Variants in GALNT6 observed in about 807,000 individuals in gnomAD.
GALNT6 encodes polypeptide N-acetylgalactosaminyltransferase 6.
In GALNT6, 51 loss-of-function variants were observed where a neutral mutation model predicts 65.9. The observed-to-expected ratio is 0.77, with a 90% CI of 0.62 to 0.98. GALNT6 has a LOEUF of 0.98. Ranked by LOEUF, GALNT6 falls within the 50% of genes least tolerant of loss-of-function variation. The probability of loss-of-function intolerance (pLI) is 0.00; values close to 1 mark genes in which losing one functional copy is unlikely to be tolerated. For missense variants in GALNT6, 708 were observed against 803.3 expected (o/e 0.88, Z 1.43); for synonymous variants, 323 against 315.1 (o/e 1.02, Z -0.26).
In GALNT6 at chr12:51,358,211, G is replaced by A. The variant is rs779146238; in HGVS notation, c.1419C>T (p.His473=). 6.2e-7 allele frequency: 1 copy of A among 1,613,688 alleles called. No individual in the cohort carries two copies. The highest frequency in any genetic ancestry group is 1.3e-5 in the African/African-American group (1 of 74,994). Residue 473 remains histidine (H), a synonymous_variant, in exon 9 of 12, where the codon CAC becomes CAT. Coordinates refer to ENST00000356317, the MANE Select transcript of GALNT6 (RefSeq NM_007210.4). ...SERLQLREQL[H]CHNFSWYLHN... is the part of the protein sequence containing the mutation. ...GCAGGTACCAGGAAAAGTTGTGACAGTGCAGTTGTTCCCTCAGCTGCAGTC... is the reference window on the plus strand; with the variant it reads ...GCAGGTACCAGGAAAAGTTGTGACAATGCAGTTGTTCCCTCAGCTGCAGTC...
intron 2 of GALNT6, among the ~76,000 whole-genome samples, chr12:51,385,020 A>C (rs917313058): frequency 3.9e-5 from 6 of 152,102 alleles, no homozygotes; most frequent in African/African-American, 1.2e-4. Flanking sequence ...ACAGGGTCTC[A>C]TTCTGTTCCT....
At chr12:51,381,764 T>C (rs1164418629) in intron 2 of GALNT6, among the ~76,000 whole-genome samples, 1 of 152,220 alleles carries the variant, frequency 6.6e-6, no homozygotes, top group Admixed American at 6.5e-5. Context: ...AGGTAAAATG[T>C]TTGGCAGAGC....
At chr12:51,378,498 T>C (rs72644882) in intron 3 of GALNT6, among the ~76,000 whole-genome samples, 8,388 of 152,210 alleles carry the variant, frequency 0.055, 401 homozygotes, top group East Asian at 0.18. Context: ...TAGCTTCAAG[T>C]GGCCCCTTGT....
rs371358584 is a variant in GALNT6, at chr12:51,355,911, C to A, written c.1650G>T (p.Lys550Asn). Residue 550 changes from lysine to asparagine, a missense_variant, in exon 11 of 12, where the codon AAG becomes AAT. By Grantham distance (94) the Lys-to-Asn change is moderately conservative (BLOSUM62 0). Coordinates refer to ENST00000356317, the MANE Select transcript of GALNT6 (RefSeq NM_007210.4). ...TQRDLRHNIA[K>N]QLCLHVSKGA... ...CCTTGCTGACATGTAGACACAGCTG[C>A]TTTGCGATGTTGTGGCGAAGGTCCC... is the stretch of plus-strand genomic sequence containing the variant. The A allele has an allele frequency of 6.2e-7, 1 of 1,613,692 alleles. No individual in the cohort carries two copies. The highest frequency in any genetic ancestry group is 1.3e-5 in the African/African-American group (1 of 74,904).
intron 2 of GALNT6, among the ~76,000 whole-genome samples, chr12:51,384,691 CA>C (rs747557675): frequency 3.8e-3 from 339 of 89,344 alleles, no homozygotes; most frequent in African/African-American, 0.013. Flanking sequence ...GACTCTGTCT[CA>C]AAAAAAAAAA....
At chr12:51,385,805 A>T (rs1178592276) in intron 2 of GALNT6, among the ~76,000 whole-genome samples, 1 of 152,084 alleles carries the variant, frequency 6.6e-6, no homozygotes, top group Admixed American at 6.5e-5. Flanking sequence ...AGTCTAGCAC[A>T]AGTTTTACAT....
intron 2 of GALNT6, among the ~76,000 whole-genome samples, chr12:51,384,551 G>T (rs927330121): frequency 6.6e-6 from 1 of 151,986 alleles, no homozygotes; most frequent in East Asian, 1.9e-4. Flanking sequence ...AATTAGCCAG[G>T]CATGGTGGCA....
At chr12:51,381,330 C>T (rs972017486) in intron 2 of GALNT6, among the ~76,000 whole-genome samples, 3 of 152,136 alleles carry the variant, frequency 2.0e-5, no homozygotes, top group Admixed American at 6.5e-5. Context: ...AAGACATTCC[C>T]GGCAGGGCTG....
In GALNT6 at chr12:51,379,480, G is replaced by A. The variant is rs267603505; in HGVS notation, c.302C>T (p.Pro101Leu). Residue 101 changes from proline to leucine, a missense_variant, in exon 3 of 12, where the codon CCC (proline) becomes CTC (leucine). Physicochemically the swap from Pro to Leu is moderately conservative, Grantham distance 98. Transcript: ENST00000356317. ...GTCCTGTGGTGGCCGTTCCCAGAAG[G>A]GCTTCAGTTCAGCTGGGGTATAGAA... Reference protein sequence around the residue: ...PGFYTPAELKPFWERPPQDPN... With the variant: ...PGFYTPAELKLFWERPPQDPN... 6.2e-7 allele frequency: 1 copy of A among 1,614,132 alleles called. No individual in the cohort carries two copies. Among genetic ancestry groups the A allele is most frequent in the Admixed American group, 1.7e-5 (1 of 60,024 alleles).
intron 6 of GALNT6, among the ~76,000 whole-genome samples, chr12:51,363,379 G>T (rs1358585287): frequency 1.3e-5 from 2 of 152,202 alleles, no homozygotes; most frequent in African/African-American, 4.8e-5. Context: ...CTACCCTGCA[G>T]CTCAGGGGCT....
chr12:51,379,741 G>A lies in GALNT6; in HGVS notation c.41C>T (p.Ala14Val). 1 of 1,612,348 alleles carries A rather than the reference G, an allele frequency of 6.2e-7. No individual in the cohort carries two copies. Among genetic ancestry groups the A allele is most frequent in the South Asian group, 1.1e-5 (1 of 91,070 alleles). The change falls in exon 3 of 12, where the codon GCC becomes GTC. Residue 14 changes from alanine (A) to valine (V), a missense_variant. Transcript: ENST00000356317. ...GAGCACAAAGGCGCAGCCCACCATGGCCAGGCGCAGGGGCATGTGGCGTCT... is the reference window on the plus strand; with the variant it reads ...GAGCACAAAGGCGCAGCCCACCATGACCAGGCGCAGGGGCATGTGGCGTCT... ...LRRRHMPLRLAMVGCAFVLFL... is the reference protein window; with the variant it reads ...LRRRHMPLRLVMVGCAFVLFL...
intron 4 of GALNT6, among the ~76,000 whole-genome samples, chr12:51,374,728 G>T (rs533929567): frequency 6.6e-6 from 1 of 152,128 alleles, no homozygotes; most frequent in Non-Finnish European, 1.5e-5. Flanking sequence ...GCCTAAAGGT[G>T]TCTCAGTCCC....
Position 51,360,798 on chromosome 12 carries a change from A to T in GALNT6, c.1090T>A (p.Ser364Thr). 1.9e-6 allele frequency: 3 copies of T among 1,613,636 alleles called. No homozygotes were observed. Among genetic ancestry groups the T allele is most frequent in the Non-Finnish European group, 2.5e-6 (3 of 1,179,602 alleles). The change falls in exon 7 of 12, where the codon TCC (serine) becomes ACC (threonine). Residue 364 changes from serine to threonine, a missense_variant. Physicochemically the swap from Ser to Thr is moderately conservative, Grantham distance 58. Transcript: ENST00000356317. ...FAGGLFSISKSYFEHIGTYDN... is the reference protein window; with the variant it reads ...FAGGLFSISKTYFEHIGTYDN... ...TAGGTACCGATGTGCTCAAAGTAGGACTTGGAGATGGAGAAGAGGCCACCA... is the reference window on the plus strand; with the variant it reads ...TAGGTACCGATGTGCTCAAAGTAGGTCTTGGAGATGGAGAAGAGGCCACCA...
In GALNT6 at chr12:51,379,670, T is replaced by C; in HGVS notation, c.112A>G (p.Thr38Ala). ...HRDVSSREEA[T>A]EKPWLKSLVS... ...AGGGACTTCAGCCACGGCTTCTCTG[T>C]GGCCTCCTCTCTGCTGCTCACATCC... Residue 38 changes from threonine (T) to alanine (A), a missense_variant, in exon 3 of 12, where the codon ACA (threonine) becomes GCA (alanine). Physicochemically the swap from Thr to Ala is moderately conservative, Grantham distance 58. Coordinates refer to ENST00000356317, the MANE Select transcript of GALNT6 (RefSeq NM_007210.4). The C allele has an allele frequency of 6.2e-7, 1 of 1,614,178 alleles. No homozygotes were observed. The highest frequency in any genetic ancestry group is 8.5e-7 in the Non-Finnish European group (1 of 1,180,012).
intron 4 of GALNT6, among the ~76,000 whole-genome samples, chr12:51,366,214 G>A (rs902832588): frequency 3.3e-5 from 5 of 152,154 alleles, no homozygotes; most frequent in African/African-American, 7.2e-5. Context: ...CACCACGCCC[G>A]GCCCAAGTAC....
intron 2 of GALNT6, among the ~76,000 whole-genome samples, chr12:51,389,479 C>T (rs1947951777): frequency 1.3e-5 from 2 of 152,224 alleles, no homozygotes; most frequent in Admixed American, 6.5e-5. Context: ...AAAGCCCACT[C>T]TCTTAACTAT....
At chr12:51,357,181 G>A (rs1946773166) in intron 10 of GALNT6, among the ~76,000 whole-genome samples, 168 bp downstream of exon 10, 1 of 152,058 alleles carries the variant, frequency 6.6e-6, no homozygotes, top group African/African-American at 2.4e-5. Flanking sequence ...CTCTCCGGAT[G>A]TCCCTTATTC....
chr12:51,358,018 G>T (rs1397917873), intron 9 of GALNT6, 112 bp downstream of exon 9: 12 of 1,060,340 alleles, frequency 1.1e-5, no homozygotes, highest in Non-Finnish European at 1.7e-5. Context: ...ATAAAGGAGG[G>T]TGCAGGGCAA....
chr12:51,365,512 C>T lies in GALNT6; in HGVS notation c.732G>A (p.Glu244=). Residue 244 remains glutamate (E), a synonymous_variant, in exon 5 of 12, where the codon GAG becomes GAA. Transcript: ENST00000356317. ...GGGCGGTGATCAGCCCCTTCCGCTCCTCCTGCCGCACCACCCTCACCACCT... is the reference window on the plus strand; with the variant it reads ...GGGCGGTGATCAGCCCCTTCCGCTCTTCCTGCCGCACCACCCTCACCACCT... ...QLQVVRVVRQ[E]ERKGLITARL... is the part of the protein sequence containing the mutation. The T allele has an allele frequency of 6.2e-7, 1 of 1,612,834 alleles. No individual in the cohort carries two copies. The highest frequency in any genetic ancestry group is 8.5e-7 in the Non-Finnish European group (1 of 1,179,994).
Sources: gnomAD v4.1 joint callset for allele counts (sites outside exome capture counted in the v4.1 genomes callset) on GRCh38, gnomAD v4.1.1 for gene constraint, MANE v1.5 for transcripts, NCBI Gene and HGNC (gene_info 2026-07-23, HGNC 2026-07-21) for gene names.